The following SLC6A8 variants were observed in gnomAD, a reference collection of about 807,000 sequenced individuals.
SLC6A8 encodes the protein solute carrier family 6 member 8, also known as sodium- and chloride-dependent creatine transporter 1.
Under a neutral mutation model 48.3 loss-of-function variants are expected in SLC6A8, and 6 were observed. The observed-to-expected ratio is 0.12, with a 90% CI of 0.07 to 0.25. The LOEUF is 0.25. SLC6A8 is among the 10% of genes least tolerant of loss of function. SLC6A8 has a pLI of 1.00. For missense variants in SLC6A8, 260 were observed against 551.5 expected, an observed-to-expected ratio of 0.47 and a Z score of 5.29; for synonymous variants, 245 against 244.0, an observed-to-expected ratio of 1.00 and a Z score of -0.04.
rs1162218813 is a variant in SLC6A8 at position 153,695,773 on chromosome X, C to T, written c.*559C>T. 6 of 142,822 alleles carry T rather than the reference C, an allele frequency of 4.2e-5. No homozygotes were observed. The East Asian group carries it at 1.1e-3, about 27-fold the overall frequency. The allele number at this position is 142,822 out of a possible 1,213,427, so 11.8% of individuals were successfully genotyped here. Reference sequence around the variant, plus strand: ...CAGCCAGCAATGGAACCTTCTGGTTCCTGCGCCAATCGCCACCAGTATCAA... The same window carrying T: ...CAGCCAGCAATGGAACCTTCTGGTTTCTGCGCCAATCGCCACCAGTATCAA... On this transcript the variant is annotated 3_prime_UTR_variant, in exon 13 of 13. Coordinates refer to ENST00000253122, the MANE Select transcript of SLC6A8 (RefSeq NM_005629.4).
rs370907770 is a variant in SLC6A8 at position 153,692,991 on chromosome X, G to T, written c.778-50G>T. ...GGGACCGGAGGCGCTGGGAGTGGGG[G>T]TGTGAGGGAGGTGGTGCCACAGCCT... On this transcript the variant is annotated intron_variant, in intron 4 of 12. Coordinates refer to ENST00000253122, the MANE Select transcript of SLC6A8 (RefSeq NM_005629.4). The T allele has an allele frequency of 6.6e-5, 80 of 1,203,600 alleles. No individual in the cohort carries two copies. The African/African-American group carries it at 1.1e-3, about 16-fold the overall frequency.
chrX:153,695,167 C>G lies in SLC6A8; in HGVS notation c.1861C>G (p.Pro621Ala). 8.4e-7 allele frequency: 1 copy of G among 1,194,652 alleles called. No homozygotes were observed. Among genetic ancestry groups the G allele is most frequent in the Non-Finnish European group, 1.1e-6 (1 of 886,282 alleles). The change falls in exon 13 of 13, where the codon CCA becomes GCA. Residue 621 changes from proline to alanine, a missense_variant. Around this residue, in one of 7 missense-constraint regions of SLC6A8, gnomAD observed 87 missense variants for 120.9 expected, o/e 0.72. Transcript: ENST00000253122. ...TGTCAGGGGCCTGACCACCCTGACC[C>G]CAGTGTCCGAGAGCAGCAAGGTCGT... ...ADVRGLTTLT[P>A]VSESSKVVVV... is the part of the protein sequence containing the mutation.
intron 1 of SLC6A8, 74 bp downstream of exon 1, chrX:153,688,910 C>G: frequency 1.5e-6 from 1 of 673,233 alleles, no homozygotes; most frequent in Non-Finnish European, 2.0e-6. Context: ...GGAGCCGCCG[C>G]GGAGGGGTGA....
chrX:153,692,591 A>G, intron 4 of SLC6A8: 1 of 338,803 alleles, frequency 3.0e-6, no homozygotes, highest in Non-Finnish European at 5.7e-6. Context: ...TGGCAGCTGC[A>G]TCTCGCCTGC....
In SLC6A8 at chrX:153,693,322, C is replaced by T; in HGVS notation, c.972C>T (p.Leu324=). Residue 324 remains leucine, a synonymous_variant, in exon 6 of 13, where the codon CTC becomes CTT. Transcript: ENST00000253122. Reference sequence around the variant, plus strand: ...CTTACGCCATTGGCCTGGGGGCCCTCACAGCCCTGGGCAGCTACAACCGCT... The same window carrying T: ...CTTACGCCATTGGCCTGGGGGCCCTTACAGCCCTGGGCAGCTACAACCGCT... ...FFSYAIGLGA[L]TALGSYNRFN... is the part of the protein sequence containing the mutation. The T allele has an allele frequency of 8.3e-7, 1 of 1,211,547 alleles. No individual in the cohort carries two copies. The highest frequency in any genetic ancestry group is 1.1e-6 in the Non-Finnish European group (1 of 895,061).
At position 153,692,752 on chromosome X, in the gene SLC6A8, C is replaced by T. The variant is rs144548702; in HGVS notation, c.778-289C>T. The T allele has an allele frequency of 4.3e-3, 1,843 of 428,190 alleles. 25 individuals are homozygous for T. Among genetic ancestry groups the T allele is most frequent in the African/African-American group, 0.039 (1,633 of 41,346 alleles). The allele number at this position is 428,190 out of a possible 1,213,427, so 35.3% of individuals were successfully genotyped here. On this transcript the variant is annotated intron_variant, in intron 4 of 12. Coordinates refer to ENST00000253122, the MANE Select transcript of SLC6A8 (RefSeq NM_005629.4). ...ACACTCATACAGCTCTCACTCCCCA[C>T]GTGCTCCACGCCTCCTGTCCCCACT...
intron 3 of SLC6A8, 140 bp from the exon 4 acceptor site, chrX:153,691,835 C>T (rs2091457916): frequency 1.4e-6 from 1 of 723,619 alleles, no homozygotes. Flanking sequence ...TCGTGGGCTC[C>T]AGGCCCAGCC....
chrX:153,691,342 A>G lies in SLC6A8; in HGVS notation c.433A>G (p.Asn145Asp). ...YASMVIVFYC[N>D]TYYIMVLAWG... Reference sequence around the variant, plus strand: ...CTCCATGGTGATCGTCTTCTACTGCAACACCTACTACATCATGGTGCTGGC... The same window carrying G: ...CTCCATGGTGATCGTCTTCTACTGCGACACCTACTACATCATGGTGCTGGC... The change falls in exon 3 of 13, where the codon AAC (asparagine) becomes GAC (aspartate). Residue 145 changes from asparagine (N) to aspartate (D), a missense_variant. This residue lies in a region of SLC6A8 where 75 missense variants were observed against 248.8 expected (regional missense o/e 0.30). Transcript: ENST00000253122. 8.3e-7 allele frequency: 1 copy of G among 1,207,980 alleles called. No homozygotes were observed. Among genetic ancestry groups the G allele is most frequent in the Admixed American group, 2.2e-5 (1 of 45,887 alleles).
rs371643341 is a variant in SLC6A8, at chrX:153,694,661, C to T, written c.1596+28C>T. ...AAGGGCTGGGGGAGGTGGGGCAGGG[C>T]GGGGGGCGAGGCAGGGCGGGGTAGG... On this transcript the variant is annotated intron_variant, in intron 11 of 12. Transcript: ENST00000253122. 3.2e-3 allele frequency: 604 copies of T among 189,488 alleles called. 2 individuals are homozygous for T. Among genetic ancestry groups the T allele is most frequent in the Admixed American group, 0.014 (221 of 16,090 alleles). 15.6% of individuals were successfully genotyped at this position (189,488 alleles called of 1,213,427 possible).
rs2091466491 is a variant in SLC6A8 at position 153,693,164 on chromosome X, G to A, written c.901G>A (p.Gly301Arg). ...YYLKPDWSKL[G>R]SPQVWIDAGT... ...TCTCAAGCCTGACTGGTCAAAGCTG[G>A]GGTCCCCTCAGGTGAGGTGGAGGTG... Residue 301 changes from glycine (G) to arginine (R), a missense_variant, in exon 5 of 13, where the codon GGG (glycine) becomes AGG (arginine). By Grantham distance (125) the Gly-to-Arg change is moderately radical. Around this residue, in one of 7 missense-constraint regions of SLC6A8, gnomAD observed 75 missense variants for 248.8 expected, o/e 0.30. Transcript: ENST00000253122. 1 of 1,211,138 alleles carries A rather than the reference G, an allele frequency of 8.3e-7. No homozygotes were observed. The highest frequency in any genetic ancestry group is 3.0e-5 in the East Asian group (1 of 33,807).
Position 153,696,235 on chromosome X carries a change from G to A in SLC6A8, c.*1021G>A. 1 of 281,183 alleles carries A rather than the reference G, an allele frequency of 3.6e-6. No homozygotes were observed. Among genetic ancestry groups the A allele is most frequent in the Non-Finnish European group, 7.0e-6 (1 of 143,401 alleles). The allele number at this position is 281,183 out of a possible 1,213,427, so 23.2% of individuals were successfully genotyped here. A position where few individuals can be genotyped will look rare whatever the true frequency, so the allele number is the denominator to read the frequency against. On this transcript the variant is annotated 3_prime_UTR_variant, in exon 13 of 13. Coordinates refer to ENST00000253122, the MANE Select transcript of SLC6A8 (RefSeq NM_005629.4). ...CTGTCCCTTTGCCACAAGTCTGTGG[G>A]GCAAGAGGCTGCAATATTCCGTCCT...
At position 153,694,434 on chromosome X, in the gene SLC6A8, G is replaced by A. The variant is rs1557045503; in HGVS notation, c.1483G>A (p.Ala495Thr). The A allele has an allele frequency of 5.8e-6, 7 of 1,207,734 alleles. No individual in the cohort carries two copies. Among genetic ancestry groups the A allele is most frequent in the Non-Finnish European group, 6.7e-6 (6 of 891,685 alleles). The change falls in exon 10 of 13, where the codon GCC (alanine) becomes ACC (threonine). Residue 495 changes from alanine (A) to threonine (T), a missense_variant. This residue lies in a region of SLC6A8 where 6 missense variants were observed against 35.1 expected (regional missense o/e 0.17). Coordinates refer to ENST00000253122, the MANE Select transcript of SLC6A8 (RefSeq NM_005629.4). Reference protein sequence around the residue: ...WQAFWECVVVAWVYGADRFMD... With the variant: ...WQAFWECVVVTWVYGADRFMD... ...GGCCTTTTGGGAGTGCGTGGTGGTG[G>A]CCTGGGTGTACGGTAGGTCATGGCT...
chrX:153,695,422 A>C lies in SLC6A8; in HGVS notation c.*208A>C. Reference sequence around the variant, plus strand: ...AAATATCACAACCCACCAAAAATAGATGCCTCTCCCCCTCCAGCCCTAGCC... The same window carrying C: ...AAATATCACAACCCACCAAAAATAGCTGCCTCTCCCCCTCCAGCCCTAGCC... On this transcript the variant is annotated 3_prime_UTR_variant, in exon 13 of 13. Coordinates refer to ENST00000253122, the MANE Select transcript of SLC6A8 (RefSeq NM_005629.4). 1 of 446,415 alleles carries C rather than the reference A, an allele frequency of 2.2e-6. No homozygotes were observed. The allele number at this position is 446,415 out of a possible 1,213,427, so 36.8% of individuals were successfully genotyped here. A position where few individuals can be genotyped will look rare whatever the true frequency, so the allele number is the denominator to read the frequency against.
intron 4 of SLC6A8, 98 bp from the exon 5 acceptor site, chrX:153,692,943 T>A (rs781798081): frequency 9.4e-7 from 1 of 1,062,981 alleles, no homozygotes; most frequent in Non-Finnish European, 1.3e-6. Context: ...AATGGGGACC[T>A]CTGAACATAC....
In SLC6A8 at chrX:153,694,119, C is replaced by G. The variant is rs782341517; in HGVS notation, c.1255-11C>G. 3 of 1,208,534 alleles carry G rather than the reference C, an allele frequency of 2.5e-6. No homozygotes were observed. In the Admixed American group the frequency reaches 6.5e-5, roughly 26 times the overall value. On this transcript the variant is annotated splice_polypyrimidine_tract_variant and intron_variant, in intron 8 of 12. Transcript: ENST00000253122. ...CGGTGCGGGGCTCGGCCTGAGCTGC[C>G]CTGGCCACAGTTTGTAGGTGTGGAG...
rs1281920962 is a variant in SLC6A8 at position 153,688,254 on chromosome X, G to A, written c.-321G>A. On this transcript the variant is annotated 5_prime_UTR_variant, in exon 1 of 13. Transcript: ENST00000253122. ...CCGCAGCCGCCGCCGCCCGAGCCGCGGGCAGGAGCCTCGGGAGCCGCCGCC... is the reference window on the plus strand; with the variant it reads ...CCGCAGCCGCCGCCGCCCGAGCCGCAGGCAGGAGCCTCGGGAGCCGCCGCC... 1 of 100,470 alleles carries A rather than the reference G, an allele frequency of 1.0e-5. No homozygotes were observed. Among genetic ancestry groups the A allele is most frequent in the African/African-American group, 3.6e-5 (1 of 27,759 alleles). 8.3% of individuals were successfully genotyped at this position (100,470 alleles called of 1,213,427 possible). A position where few individuals can be genotyped will look rare whatever the true frequency, so the allele number is the denominator to read the frequency against.
rs782582776 is a variant in SLC6A8, at chrX:153,694,724, C to T, written c.1602C>T (p.Ile534=). 1 of 1,210,953 alleles carries T rather than the reference C, an allele frequency of 8.3e-7. No individual in the cohort carries two copies. Among genetic ancestry groups the T allele is most frequent in the Non-Finnish European group, 1.1e-6 (1 of 895,350 alleles). The part of the protein sequence containing the change: ...SFFTPLVCMG[I]FIFNVVYYEP... The stretch of plus-strand genomic sequence containing the variant: ...CGCAGCATTCTGGTCCGTAGGGCAT[C>T]TTCATCTTCAACGTTGTGTACTACG... Residue 534 remains isoleucine, a synonymous_variant, in exon 12 of 13, where the codon ATC becomes ATT. Coordinates refer to ENST00000253122, the MANE Select transcript of SLC6A8 (RefSeq NM_005629.4).
At position 153,688,853 on chromosome X, in the gene SLC6A8, G is replaced by C; in HGVS notation, c.262+17G>C. ...ACGGCGGAGGTGAGTTCCCCCGCCC[G>C]CCGCGGCCTCCTCCCCCAGCAGGCC... is the stretch of plus-strand genomic sequence containing the variant. On this transcript the variant is annotated intron_variant, in intron 1 of 12. Transcript: ENST00000253122. 1 of 1,053,420 alleles carries C rather than the reference G, an allele frequency of 9.5e-7. No homozygotes were observed. The highest frequency in any genetic ancestry group is 1.3e-6 in the Non-Finnish European group (1 of 798,843). The allele number at this position is 1,053,420 out of a possible 1,213,427, so 86.8% of individuals were successfully genotyped here.
chrX:153,688,530 G>C lies in SLC6A8; in HGVS notation c.-45G>C, dbSNP rs2091435135. 1.4e-6 allele frequency: 1 copy of C among 695,071 alleles called. No homozygotes were observed. The highest frequency in any genetic ancestry group is 1.8e-6 in the Non-Finnish European group (1 of 558,534). 57.3% of individuals were successfully genotyped at this position (695,071 alleles called of 1,213,427 possible). ...GCCCCCCGCCTGACCGCCGCCCCCC[G>C]TGAGGCGCCGCGACCCCGGCCCGGC... On this transcript the variant is annotated 5_prime_UTR_variant, in exon 1 of 13. Transcript: ENST00000253122.
Sources: allele counts gnomAD v4.1 joint callset, GRCh38; gene constraint gnomAD v4.1.1; regional missense constraint gnomAD v4.1.1; transcripts MANE v1.5; gene names NCBI Gene and HGNC (gene_info 2026-07-23, HGNC 2026-07-21).